Variants in PARD3B observed in about 807,000 individuals in gnomAD.
PARD3B encodes partitioning defective 3 homolog B.
PARD3B carries 103 observed loss-of-function variants against 130.2 expected under a neutral mutation model. That is an observed-to-expected ratio of 0.79 (90% CI 0.67 to 0.93). PARD3B has a LOEUF of 0.93. Among genes scored for constraint, PARD3B ranks in the 40% least tolerant of loss-of-function variants. The probability of loss-of-function intolerance (pLI) is 0.00; values close to 1 mark genes in which losing one functional copy is unlikely to be tolerated. For synonymous variants in PARD3B, 583 were observed against 553.2 expected, an observed-to-expected ratio of 1.05 and a Z score of -0.76; for missense variants, 1,609 against 1,499.2, an observed-to-expected ratio of 1.07 and a Z score of -1.21.
intron 2 of PARD3B, among the ~76,000 whole-genome samples, chr2:204,695,456 G>C (rs2037566842): frequency 6.6e-6 from 1 of 151,986 alleles, no homozygotes; most frequent in Non-Finnish European, 1.5e-5. Context: ...CTAATACCTA[G>C]CTGAAATCAG....
chr2:205,390,301 A>G (rs1424335716), intron 18 of PARD3B, among the ~76,000 whole-genome samples: 1 of 137,318 alleles, frequency 7.3e-6, no homozygotes, highest in Non-Finnish European at 1.5e-5. Flanking sequence ...GAAGAATATG[A>G]AAAAAAAAAA....
chr2:204,746,264 G>A (rs532150063), intron 2 of PARD3B, among the ~76,000 whole-genome samples: 1 of 151,296 alleles, frequency 6.6e-6, no homozygotes, highest in African/African-American at 2.4e-5. Flanking sequence ...AGTTTGCTGA[G>A]AATGATGGTT....
intron 21 of PARD3B, among the ~76,000 whole-genome samples, chr2:205,501,688 A>G (rs2050164199): frequency 6.6e-6 from 1 of 152,198 alleles, no homozygotes; most frequent in African/African-American, 2.4e-5. Context: ...ATAATTTTAG[A>G]CAAAGTAGTC....
chr2:204,972,308 G>A (rs1469125263), intron 3 of PARD3B, among the ~76,000 whole-genome samples: 3 of 152,012 alleles, frequency 2.0e-5, no homozygotes, highest in Non-Finnish European at 2.9e-5. Flanking sequence ...GTTTGCTTGA[G>A]AACATGCTAT....
At chr2:204,816,404 C>T (rs2043148301) in intron 2 of PARD3B, among the ~76,000 whole-genome samples, 1 of 151,846 alleles carries the variant, frequency 6.6e-6, no homozygotes, top group South Asian at 2.1e-4. Flanking sequence ...GCCTGAAGAA[C>T]TTTAACATTT....
chr2:205,152,436 T>C (rs2033823766), intron 10 of PARD3B, among the ~76,000 whole-genome samples: 1 of 152,170 alleles, frequency 6.6e-6, no homozygotes, highest in Non-Finnish European at 1.5e-5. Context: ...AGTCCCATAT[T>C]TCTTGGAGGC....
chr2:205,135,483 A>T (rs369776392), intron 10 of PARD3B, among the ~76,000 whole-genome samples: 2 of 152,314 alleles, frequency 1.3e-5, no homozygotes, highest in East Asian at 1.9e-4. Context: ...TTTTGAGAGT[A>T]TAGTTAGAAG....
intron 2 of PARD3B, among the ~76,000 whole-genome samples, chr2:204,901,635 A>G (rs1043648572): frequency 6.6e-6 from 1 of 151,422 alleles, no homozygotes; most frequent in African/African-American, 2.4e-5. Flanking sequence ...CCCCTTTGCT[A>G]TTCCCTCTCC....
intron 4 of PARD3B, among the ~76,000 whole-genome samples, chr2:205,098,560 A>G (rs567441903): frequency 1.3e-5 from 2 of 152,360 alleles, no homozygotes; most frequent in African/African-American, 4.8e-5. Flanking sequence ...CTCTTCCAAA[A>G]AAAAGTATCA....
At chr2:204,780,923 C>T (rs763333140) in intron 2 of PARD3B, among the ~76,000 whole-genome samples, 10 of 151,922 alleles carry the variant, frequency 6.6e-5, no homozygotes, top group South Asian at 2.1e-4. Context: ...ATGTGAAGCT[C>T]GGCAAGGATT....
rs1340999301 is a variant in PARD3B, at chr2:205,264,911, AT to A, written c.2185+19093del. ...TTACAGGTTTGCAAAAAGTGACTTC[AT>A]TTTATCTATTGTAAACTGGTGATTC... On this transcript the variant is annotated intron_variant, in intron 16 of 22. Coordinates refer to ENST00000406610, the MANE Select transcript of PARD3B (RefSeq NM_001302769.2). Among the ~76,000 whole-genome samples, 3 of 151,046 alleles carry A rather than the reference AT, an allele frequency of 2.0e-5. 1 individual carries two copies. Among genetic ancestry groups the A allele is most frequent in the African/African-American group, 7.3e-5 (3 of 41,086 alleles).
rs201675261 is a variant in PARD3B at position 205,615,406 on chromosome 2, G to A, written c.3261-50G>A. 1.6e-4 allele frequency: 232 copies of A among 1,480,916 alleles called. No homozygotes were observed. The African/African-American group carries it at 2.0e-3, about 13-fold the overall frequency. The allele number at this position is 1,480,916 out of a possible 1,614,324, so 91.7% of individuals were successfully genotyped here. A position where few individuals can be genotyped will look rare whatever the true frequency, so the allele number is the denominator to read the frequency against. ...AGGCTGAGGAACATGTTCTCCAGCCGGACGGCCAGCTTAGGAGCTGCTAAC... is the reference window on the plus strand; with the variant it reads ...AGGCTGAGGAACATGTTCTCCAGCCAGACGGCCAGCTTAGGAGCTGCTAAC... On this transcript the variant is annotated intron_variant, in intron 22 of 22. Transcript: ENST00000406610.
In PARD3B at chr2:205,204,447, A is replaced by G. The variant is rs577104264; in HGVS notation, c.2140+11127A>G. Among the ~76,000 whole-genome samples the G allele has an allele frequency of 1.0e-3, 157 of 152,230 alleles. 1 individual carries two copies. The highest frequency in any genetic ancestry group is 1.8e-3 in the Admixed American group (28 of 15,290). On this transcript the variant is annotated intron_variant, in intron 15 of 22. Coordinates refer to ENST00000406610, the MANE Select transcript of PARD3B (RefSeq NM_001302769.2). The stretch of plus-strand genomic sequence containing the variant: ...TTCTTTTGCTGTGCAGAAGCTCTTT[A>G]ATTTAATTAGATCCCATTTGTCAAT...
chr2:204,629,531 G>C (rs527980279), intron 1 of PARD3B, among the ~76,000 whole-genome samples: 1 of 152,096 alleles, frequency 6.6e-6, no homozygotes, highest in Non-Finnish European at 1.5e-5. Flanking sequence ...GATTTATTAA[G>C]TTCTCTACCT....
intron 3 of PARD3B, among the ~76,000 whole-genome samples, chr2:205,044,083 T>C (rs1203319666): frequency 6.6e-6 from 1 of 152,048 alleles, no homozygotes; most frequent in African/African-American, 2.4e-5. Context: ...TGAGATAGTT[T>C]ACTGAGAATG....
intron 20 of PARD3B, among the ~76,000 whole-genome samples, chr2:205,464,988 T>C (rs2048572933): frequency 6.6e-6 from 1 of 152,216 alleles, no homozygotes; most frequent in Non-Finnish European, 1.5e-5. Context: ...TGAGACTCTG[T>C]ACTGCACGAT....
chr2:205,264,715 A>G (rs1162442032), intron 16 of PARD3B, among the ~76,000 whole-genome samples: 1 of 151,048 alleles, frequency 6.6e-6, no homozygotes, highest in Non-Finnish European at 1.5e-5. Flanking sequence ...GCTTATCCAC[A>G]TTTTTCCATT....
chr2:205,027,688 C>T (rs143803313), intron 3 of PARD3B, among the ~76,000 whole-genome samples: 3 of 152,180 alleles, frequency 2.0e-5, no homozygotes, highest in Non-Finnish European at 2.9e-5. Context: ...AGGAATTTTA[C>T]ATTTTCAGAT....
At chr2:205,063,220 A>C (rs1237248085) in intron 4 of PARD3B, among the ~76,000 whole-genome samples, 2 of 152,070 alleles carry the variant, frequency 1.3e-5, no homozygotes, top group South Asian at 4.1e-4. Context: ...GCTATTTTGA[A>C]GTATATAATG....
Sources: allele counts gnomAD v4.1 joint callset (sites outside exome capture counted in the v4.1 genomes callset), GRCh38; gene constraint gnomAD v4.1.1; transcripts MANE v1.5; gene names NCBI Gene and HGNC (gene_info 2026-07-23, HGNC 2026-07-21).